The following AGPAT1 variants were observed in gnomAD, a reference collection of about 807,000 sequenced individuals.
AGPAT1 encodes the protein 1-acyl-sn-glycerol-3-phosphate acyltransferase alpha.
A neutral mutation model predicts 31.2 loss-of-function variants in AGPAT1; 6 were observed. The observed-to-expected ratio is 0.19, with a 90% CI of 0.11 to 0.38. The LOEUF (loss-of-function observed/expected upper bound fraction) is 0.38. Ranked by LOEUF, AGPAT1 falls within the 10% of genes least tolerant of loss-of-function variation. The probability of loss-of-function intolerance (pLI) is 1.00; values close to 1 mark genes in which losing one functional copy is unlikely to be tolerated. For missense variants in AGPAT1, 187 were observed against 377.8 expected (o/e 0.49, Z 4.19); for synonymous variants, 139 against 154.0 (o/e 0.90, Z 0.72).
chr6:32,170,158 T>C lies in AGPAT1; in HGVS notation c.606+7A>G. 3 of 1,613,960 alleles carry C rather than the reference T, an allele frequency of 1.9e-6. No homozygotes were observed. The highest frequency in any genetic ancestry group is 2.5e-6 in the Non-Finnish European group (3 of 1,179,898). On this transcript the variant is annotated splice_region_variant and intron_variant, in intron 5 of 6. Transcript: ENST00000375107. The surrounding 1 kb of genome is among the most constrained non-coding windows in gnomAD (Gnocchi z 7.7). ...AGCTGAGTAGCAGAACGAAGAGCAG[T>C]AGTCACCTGGGCCTGCACTGCAAGA...
chr6:32,171,405 C>T lies in AGPAT1; in HGVS notation c.92G>A (p.Ser31Asn). ...GGCCATCTTGAAGAAGTACTTGGCA[C>T]TGGGGCTGCAGAACCACAGGGTGGG... The part of the protein sequence containing the change: ...LLPTLWFCSP[S>N]AKYFFKMAFY... The change falls in exon 2 of 7, where the codon AGT becomes AAT. Residue 31 changes from serine to asparagine, a missense_variant. Around this residue, in one of 3 missense-constraint regions of AGPAT1, gnomAD observed 45 missense variants for 60.9 expected, o/e 0.74. Coordinates refer to ENST00000375107, the MANE Select transcript of AGPAT1 (RefSeq NM_006411.4). This position sits in a 1 kb window ranked among gnomAD's most constrained non-coding sequence, Gnocchi z 6.9. 1 of 1,613,212 alleles carries T rather than the reference C, an allele frequency of 6.2e-7. No individual in the cohort carries two copies. Among genetic ancestry groups the T allele is most frequent in the Non-Finnish European group, 8.5e-7 (1 of 1,180,048 alleles).
At chr6:32,177,619 A>C (rs1364096367), upstream of AGPAT1, 1 of 152,256 alleles carries the variant, frequency 6.6e-6, no homozygotes, top group African/African-American at 2.4e-5. Flanking sequence ...TGTTCCCACT[A>C]TCCAAACGTC....
In AGPAT1 at chr6:32,171,192, G is replaced by A. The variant is rs1332623012; in HGVS notation, c.200+105C>T. Reference sequence around the variant, plus strand: ...AGTCCTCTCCCCATTCCCTGTCTCTGGTCTCTCTCAGTCTTTTCTACACAC... The same window carrying A: ...AGTCCTCTCCCCATTCCCTGTCTCTAGTCTCTCTCAGTCTTTTCTACACAC... On this transcript the variant is annotated intron_variant, in intron 2 of 6. Transcript: ENST00000375107. The surrounding 1 kb of genome is among the most constrained non-coding windows in gnomAD (Gnocchi z 6.9). 3 of 1,593,414 alleles carry A rather than the reference G, an allele frequency of 1.9e-6. No homozygotes were observed. The highest frequency in any genetic ancestry group is 2.6e-6 in the Non-Finnish European group (3 of 1,167,610).
In AGPAT1 at chr6:32,175,458, A is replaced by G. The variant is rs1025999480; in HGVS notation, c.-10+356T>C. ...GCACCTAAGGGTATTCCTAAGAGGCAAATTCTGCTGGCCTTCTCCCCTCAT... is the reference window on the plus strand; with the variant it reads ...GCACCTAAGGGTATTCCTAAGAGGCGAATTCTGCTGGCCTTCTCCCCTCAT... On this transcript the variant is annotated intron_variant, in intron 1 of 6. Coordinates refer to ENST00000375107, the MANE Select transcript of AGPAT1 (RefSeq NM_006411.4). The surrounding 1 kb of genome is among the most constrained non-coding windows in gnomAD (Gnocchi z 4.5). Among the ~76,000 whole-genome samples the G allele has an allele frequency of 1.3e-5, 2 of 152,268 alleles. No homozygotes were observed. The highest frequency in any genetic ancestry group is 6.5e-5 in the Admixed American group (1 of 15,300).
chr6:32,171,753 GAC>G lies in AGPAT1; in HGVS notation c.-9-250_-9-249del, dbSNP rs1785127275. 1.7e-6 allele frequency: 1 copy of G among 592,026 alleles called. No homozygotes were observed. Among genetic ancestry groups the G allele is most frequent in the Non-Finnish European group, 3.0e-6 (1 of 333,214 alleles). 36.7% of individuals were successfully genotyped at this position (592,026 alleles called of 1,614,324 possible). A position where few individuals can be genotyped will look rare whatever the true frequency, so the allele number is the denominator to read the frequency against. ...GGATATATTCAGACAAGAGACACAAGACACAGACATCTACAATTCACAGATAC... is the reference window on the plus strand; with the variant it reads ...GGATATATTCAGACAAGAGACACAAGACAGACATCTACAATTCACAGATAC... On this transcript the variant is annotated intron_variant, in intron 1 of 6. Transcript: ENST00000375107. This position sits in a 1 kb window ranked among gnomAD's most constrained non-coding sequence, Gnocchi z 6.9.
chr6:32,177,494 A>C (rs1785679002), upstream of AGPAT1: 1 of 167,054 alleles, frequency 6.0e-6, no homozygotes, highest in African/African-American at 2.4e-5. Context: ...CTCTGTGTAC[A>C]ACATTAAGAA....
Position 32,172,004 on chromosome 6 carries a change from C to T in AGPAT1, c.-9-499G>A. On this transcript the variant is annotated intron_variant, in intron 1 of 6. Coordinates refer to ENST00000375107, the MANE Select transcript of AGPAT1 (RefSeq NM_006411.4). This position sits in a 1 kb window ranked among gnomAD's most constrained non-coding sequence, Gnocchi z 4.3. ...AGATATCCATTACTAATCTTTTATG[C>T]TGACTACATTTTGAAATTATAATCT... is the stretch of plus-strand genomic sequence containing the variant. The T allele has an allele frequency of 5.9e-6, 1 of 169,450 alleles. No individual in the cohort carries two copies. 10.5% of individuals were successfully genotyped at this position (169,450 alleles called of 1,614,324 possible).
chr6:32,170,719 C>A lies in AGPAT1; in HGVS notation c.335-119G>T. The A allele has an allele frequency of 7.2e-7, 1 of 1,389,930 alleles. No individual in the cohort carries two copies. The highest frequency in any genetic ancestry group is 1.2e-5 in the South Asian group (1 of 85,238). 86.1% of individuals were successfully genotyped at this position (1,389,930 alleles called of 1,614,324 possible). On this transcript the variant is annotated intron_variant, in intron 3 of 6. Transcript: ENST00000375107. The surrounding 1 kb of genome is among the most constrained non-coding windows in gnomAD (Gnocchi z 7.7). Reference sequence around the variant, plus strand: ...ACTGGAGGTGAAGGAGGAGACTAGGCAGGGAGGGGGGCCCCAAGTGAAGGA... The same window carrying A: ...ACTGGAGGTGAAGGAGGAGACTAGGAAGGGAGGGGGGCCCCAAGTGAAGGA...
rs1037939250 is a variant in AGPAT1, at chr6:32,175,584, A to C, written c.-10+230T>G. ...ATTCCCTGTGCACGCTCCCAGTCCC[A>C]AATTCACAAGGGTTTCCATTTCTCC... On this transcript the variant is annotated intron_variant, in intron 1 of 6. Transcript: ENST00000375107. This position sits in a 1 kb window ranked among gnomAD's most constrained non-coding sequence, Gnocchi z 4.5. Among the ~76,000 whole-genome samples, 1 of 152,102 alleles carries C rather than the reference A, an allele frequency of 6.6e-6. No homozygotes were observed. The highest frequency in any genetic ancestry group is 1.5e-5 in the Non-Finnish European group (1 of 67,992).
chr6:32,171,220 C>A lies in AGPAT1; in HGVS notation c.200+77G>T. The A allele has an allele frequency of 6.2e-7, 1 of 1,608,556 alleles. No homozygotes were observed. On this transcript the variant is annotated intron_variant, in intron 2 of 6. Transcript: ENST00000375107. This position sits in a 1 kb window ranked among gnomAD's most constrained non-coding sequence, Gnocchi z 6.9. ...CTCTCTCAGTCTTTTCTACACACAC[C>A]ATGCCCCCTTCCCCCAATCCACTAC...
Position 32,173,452 on chromosome 6 carries a change from C to G in AGPAT1, c.-9-1947G>C, listed in dbSNP as rs956345755. Among the ~76,000 whole-genome samples, 4 of 152,200 alleles carry G rather than the reference C, an allele frequency of 2.6e-5. No individual in the cohort carries two copies. The highest frequency in any genetic ancestry group is 9.7e-5 in the African/African-American group (4 of 41,434). ...TCTCCCCTGAACTATGTGGAGTAGG[C>G]TCCCAACTCCCTCCAATCCATCTTC... On this transcript the variant is annotated intron_variant, in intron 1 of 6. Coordinates refer to ENST00000375107, the MANE Select transcript of AGPAT1 (RefSeq NM_006411.4). This position sits in a 1 kb window ranked among gnomAD's most constrained non-coding sequence, Gnocchi z 4.7.
rs540953410 is a variant in AGPAT1, at chr6:32,173,023, G to A, written c.-9-1518C>T. On this transcript the variant is annotated intron_variant, in intron 1 of 6. Coordinates refer to ENST00000375107, the MANE Select transcript of AGPAT1 (RefSeq NM_006411.4). This position sits in a 1 kb window ranked among gnomAD's most constrained non-coding sequence, Gnocchi z 4.7. Reference sequence around the variant, plus strand: ...TCCCTTCCTTCTAGTGACACTTTGCGTGGGCAGGTACAGTGTGTGAGGCCT... The same window carrying A: ...TCCCTTCCTTCTAGTGACACTTTGCATGGGCAGGTACAGTGTGTGAGGCCT... 4.6e-5 allele frequency: 7 copies of A among 152,218 alleles called. No individual in the cohort carries two copies. Among genetic ancestry groups the A allele is most frequent in the African/African-American group, 1.7e-4 (7 of 41,524 alleles). The allele number at this position is 152,218 out of a possible 1,614,324, so 9.4% of individuals were successfully genotyped here.
upstream of AGPAT1, chr6:32,176,261 C>T: frequency 1.6e-6 from 1 of 633,014 alleles, no homozygotes; most frequent in Non-Finnish European, 2.0e-6. Context: ...GGTCTTTGCC[C>T]CCATCTCTGG....
chr6:32,170,756 A>G lies in AGPAT1; in HGVS notation c.335-156T>C. On this transcript the variant is annotated intron_variant, in intron 3 of 6. Coordinates refer to ENST00000375107, the MANE Select transcript of AGPAT1 (RefSeq NM_006411.4). This position sits in a 1 kb window ranked among gnomAD's most constrained non-coding sequence, Gnocchi z 7.7. ...CCCCAAGTGAAGGAAAGGGTGACCA[A>G]AAGTATATGTAACCTGCTTATGAGG... The G allele has an allele frequency of 2.4e-6, 3 of 1,258,184 alleles. No individual in the cohort carries two copies. The highest frequency in any genetic ancestry group is 2.3e-6 in the Non-Finnish European group (2 of 881,820). The allele number at this position is 1,258,184 out of a possible 1,614,324, so 77.9% of individuals were successfully genotyped here.
In AGPAT1 at chr6:32,170,135, C is replaced by G. The variant is rs768730436; in HGVS notation, c.606+30G>C. The G allele has an allele frequency of 6.2e-6, 10 of 1,613,076 alleles. No homozygotes were observed. Among genetic ancestry groups the G allele is most frequent in the Non-Finnish European group, 8.5e-6 (10 of 1,179,170 alleles). On this transcript the variant is annotated intron_variant, in intron 5 of 6. Coordinates refer to ENST00000375107, the MANE Select transcript of AGPAT1 (RefSeq NM_006411.4). The surrounding 1 kb of genome is among the most constrained non-coding windows in gnomAD (Gnocchi z 7.7). ...ATGAGGGAATGGTGGGGGTTGGCAG[C>G]TGAGTAGCAGAACGAAGAGCAGTAG...
At chr6:32,177,297 G>A (rs1374483432), upstream of AGPAT1, 6 of 391,804 alleles carry the variant, frequency 1.5e-5, no homozygotes, top group Non-Finnish European at 2.7e-5. Flanking sequence ...AACTCCCCGG[G>A]GTCCAACCTG....
At chr6:32,177,185 T>C (rs1785642062), upstream of AGPAT1, 1 of 398,418 alleles carries the variant, frequency 2.5e-6, no homozygotes, top group Non-Finnish European at 4.4e-6. Flanking sequence ...TTACCCTGCA[T>C]TAGTTTACAT....
rs1280010276 is a variant in AGPAT1 at position 32,175,420 on chromosome 6, G to A, written c.-10+394C>T. Reference sequence around the variant, plus strand: ...TGAGAAACAAGAGGTCCTGTGCCTAGATGGAAACAGAGGCACCTAAGGGTA... The same window carrying A: ...TGAGAAACAAGAGGTCCTGTGCCTAAATGGAAACAGAGGCACCTAAGGGTA... On this transcript the variant is annotated intron_variant, in intron 1 of 6. Coordinates refer to ENST00000375107, the MANE Select transcript of AGPAT1 (RefSeq NM_006411.4). This position sits in a 1 kb window ranked among gnomAD's most constrained non-coding sequence, Gnocchi z 4.5. 6.6e-6 allele frequency among the ~76,000 whole-genome samples: 1 copy of A among 152,160 alleles called. No homozygotes were observed. The highest frequency in any genetic ancestry group is 2.4e-5 in the African/African-American group (1 of 41,428).
At chr6:32,177,036 A>G (rs995202263), upstream of AGPAT1, 2 of 398,092 alleles carry the variant, frequency 5.0e-6, no homozygotes, top group African/African-American at 2.1e-5. Flanking sequence ...TTCCCTCTCA[A>G]TATCTTCCTT....
Sources: gnomAD v4.1 joint callset for allele counts (sites outside exome capture counted in the v4.1 genomes callset) on GRCh38, gnomAD v4.1.1 for gene constraint, gnomAD v4.1.1 regional missense constraint, Gnocchi (gnomAD v3.1) non-coding constraint, MANE v1.5 for transcripts, NCBI Gene and HGNC (gene_info 2026-07-23, HGNC 2026-07-21) for gene names.